The following GDAP1 variants were observed in gnomAD, a reference collection of about 807,000 sequenced individuals.
GDAP1 encodes the protein ganglioside induced differentiation associated protein 1, also known as ganglioside-induced differentiation-associated protein 1.
GDAP1 carries 34 observed loss-of-function variants against 40.1 expected under a neutral mutation model. That is an observed-to-expected ratio of 0.85 (90% CI 0.64 to 1.13). The LOEUF (loss-of-function observed/expected upper bound fraction) is 1.13. GDAP1 is among the 50% of genes most tolerant of loss of function. The probability of loss-of-function intolerance (pLI) is 0.00; values close to 1 mark genes in which losing one functional copy is unlikely to be tolerated. For synonymous variants in GDAP1, 170 were observed against 157.4 expected, an observed-to-expected ratio of 1.08 and a Z score of -0.60; for missense variants, 374 against 433.7, an observed-to-expected ratio of 0.86 and a Z score of 1.22.
chr8:74,391,196 C>G (rs937524988), intron 2 of GDAP1, among the ~76,000 whole-genome samples: 1 of 151,928 alleles, frequency 6.6e-6, no homozygotes, highest in Non-Finnish European at 1.5e-5. Flanking sequence ...ACGGTTCGGT[C>G]TCGCTGGCAT....
At chr8:74,398,805 A>C (rs1241902540) in intron 2 of GDAP1, among the ~76,000 whole-genome samples, 1 of 151,970 alleles carries the variant, frequency 6.6e-6, no homozygotes, top group African/African-American at 2.4e-5. Context: ...TATTGAGATA[A>C]TCATGTGGTT....
chr8:74,422,493 C>CTCCCTCCTTCCTTCCTTCCTTCCT (rs1805889681), intron 2 of GDAP1, among the ~76,000 whole-genome samples: 1 of 104,744 alleles, frequency 9.5e-6, no homozygotes, highest in African/African-American at 4.7e-5. Flanking sequence ...TCCCTCCTTT[C>CTCCCTCCTTCCTTCCTTCCTTCCT]TCCTTCCTTC....
intron 2 of GDAP1, among the ~76,000 whole-genome samples, chr8:74,381,358 C>T (rs1330861262): frequency 6.6e-6 from 1 of 151,958 alleles, no homozygotes; most frequent in African/African-American, 2.4e-5. Context: ...TATGGTACAA[C>T]CATAATGTTA....
At chr8:74,370,682 A>G (rs1438393099), downstream of GDAP1, among the ~76,000 whole-genome samples, 1 of 152,222 alleles carries the variant, frequency 6.6e-6, no homozygotes, top group Non-Finnish European at 1.5e-5. Flanking sequence ...ATTGAATGTA[A>G]AATGTTCCAA....
chr8:74,380,012 A>G (rs529656841), intron 2 of GDAP1, among the ~76,000 whole-genome samples: 3 of 152,324 alleles, frequency 2.0e-5, no homozygotes, highest in Admixed American at 1.3e-4. Flanking sequence ...AATATACTGC[A>G]CTTGGGATAC....
chr8:74,391,167 C>A (rs1810102482), intron 2 of GDAP1, among the ~76,000 whole-genome samples: 2 of 152,020 alleles, frequency 1.3e-5, no homozygotes, highest in Non-Finnish European at 2.9e-5. Flanking sequence ...TGACTTCAGC[C>A]CGCTTTACAG....
Position 74,365,682 on chromosome 8 carries a change from G to A in GDAP1, c.*1315G>A, listed in dbSNP as rs1809595612. 1 of 454,310 alleles carries A rather than the reference G, an allele frequency of 2.2e-6. No individual in the cohort carries two copies. The highest frequency in any genetic ancestry group is 2.4e-5 in the Admixed American group (1 of 42,546). 28.1% of individuals were successfully genotyped at this position (454,310 alleles called of 1,614,324 possible). ...AGGAAAGTCATACCTAGGAAACAAT[G>A]ACTTTTTGATGGCAAAATGATTTTT... On this transcript the variant is annotated 3_prime_UTR_variant, in exon 6 of 6. Transcript: ENST00000220822.
At position 74,365,409 on chromosome 8, in the gene GDAP1, G is replaced by C. The variant is rs1196856693; in HGVS notation, c.*1042G>C. 1 of 453,688 alleles carries C rather than the reference G, an allele frequency of 2.2e-6. No individual in the cohort carries two copies. Among genetic ancestry groups the C allele is most frequent in the Admixed American group, 2.4e-5 (1 of 42,544 alleles). 28.1% of individuals were successfully genotyped at this position (453,688 alleles called of 1,614,324 possible). A position where few individuals can be genotyped will look rare whatever the true frequency, so the allele number is the denominator to read the frequency against. ...TCACTGATGTATGTTTAAGGGATTTGGGGGGGATACCTCAGTTCATGTGGA... is the reference window on the plus strand; with the variant it reads ...TCACTGATGTATGTTTAAGGGATTTCGGGGGGATACCTCAGTTCATGTGGA... On this transcript the variant is annotated 3_prime_UTR_variant, in exon 6 of 6. Coordinates refer to ENST00000220822, the MANE Select transcript of GDAP1 (RefSeq NM_018972.4).
chr8:74,355,150 T>A (rs756876478), intron 2 of GDAP1, among the ~76,000 whole-genome samples: 7 of 152,164 alleles, frequency 4.6e-5, no homozygotes, highest in South Asian at 2.1e-4. Context: ...ATAGTGAATA[T>A]CTGTTGGATA....
chr8:74,480,287 G>A (rs896266722), intron 2 of GDAP1, among the ~76,000 whole-genome samples: 5 of 152,028 alleles, frequency 3.3e-5, no homozygotes, highest in Non-Finnish European at 7.4e-5. Context: ...GCGCCCGGCC[G>A]GCTCTGTATC....
rs1219262511 is a variant in GDAP1 at position 74,364,045 on chromosome 8, C to T, written c.755C>T (p.Ala252Val). ...TTCACCCTGGCAGACGTCTCACTCG[C>T]TGTCACATTGCATCGACTGAAGTTC... ...ESFTLADVSL[A>V]VTLHRLKFLG... Residue 252 changes from alanine (A) to valine (V), a missense_variant, in exon 6 of 6, where the codon GCT becomes GTT. Ala to Val is a moderately conservative substitution (Grantham distance 64, BLOSUM62 0). Coordinates refer to ENST00000220822, the MANE Select transcript of GDAP1 (RefSeq NM_018972.4). 6.2e-7 allele frequency: 1 copy of T among 1,613,786 alleles called. No individual in the cohort carries two copies. The highest frequency in any genetic ancestry group is 8.5e-7 in the Non-Finnish European group (1 of 1,179,664).
chr8:74,379,503 G>A (rs1244948377), intron 2 of GDAP1, among the ~76,000 whole-genome samples: 1 of 152,184 alleles, frequency 6.6e-6, no homozygotes, highest in Non-Finnish European at 1.5e-5. Context: ...ACCCCTACTT[G>A]TAGCTGCTGT....
chr8:74,450,825 A>ATT lies in GDAP1; in HGVS notation c.166-37846_166-37845dup, dbSNP rs59390981. 2.5e-4 allele frequency among the ~76,000 whole-genome samples: 19 copies of ATT among 76,028 alleles called. 5 individuals are homozygous for ATT. The highest frequency in any genetic ancestry group is 5.2e-4 in the African/African-American group (9 of 17,426). 49.9% of individuals were successfully genotyped at this position (76,028 alleles called of 152,430 possible). Reference sequence around the variant, plus strand: ...TTCCTATTGTTTATTTGAATAATGTATTTTTTTTCCTTTTTATGTTCTCTT... The same window carrying ATT: ...TTCCTATTGTTTATTTGAATAATGTATTTTTTTTTTCCTTTTTATGTTCTCTT... On this transcript the variant is annotated intron_variant, in intron 2 of 2. Coordinates refer to the GDAP1 transcript ENST00000523640.
intron 2 of GDAP1, among the ~76,000 whole-genome samples, chr8:74,398,348 T>A (rs199521325): frequency 1.3e-5 from 2 of 152,182 alleles, no homozygotes; most frequent in South Asian, 4.2e-4. Flanking sequence ...TTATTTTGAG[T>A]CTATGTGTGT....
At chr8:74,396,861 A>T (rs4738456) in intron 2 of GDAP1, among the ~76,000 whole-genome samples, 1 of 152,206 alleles carries the variant, frequency 6.6e-6, no homozygotes, top group Non-Finnish European at 1.5e-5. Flanking sequence ...AGTCCTTTGC[A>T]TATATACCCA....
Position 74,364,373 on chromosome 8 carries a change from T to C in GDAP1, c.*6T>C, listed in dbSNP as rs2131522635. ...CCAGACCAAATTATTTCTAGGTTTG[T>C]TGGGATCTTGTCGTGGCAGCTCATC... On this transcript the variant is annotated 3_prime_UTR_variant, in exon 6 of 6. Transcript: ENST00000220822. 1.2e-6 allele frequency: 2 copies of C among 1,611,950 alleles called. No homozygotes were observed. Among genetic ancestry groups the C allele is most frequent in the Non-Finnish European group, 1.7e-6 (2 of 1,179,866 alleles).
chr8:74,352,004 G>A (rs988388837), intron 2 of GDAP1, among the ~76,000 whole-genome samples: 1 of 152,186 alleles, frequency 6.6e-6, no homozygotes, highest in Non-Finnish European at 1.5e-5. Context: ...TTTATTAACA[G>A]CTTGTTATGT....
At chr8:74,484,767 A>G (rs1806754562) in intron 2 of GDAP1, among the ~76,000 whole-genome samples, 1 of 152,022 alleles carries the variant, frequency 6.6e-6, no homozygotes, top group Non-Finnish European at 1.5e-5. Context: ...TGTGAGGCAA[A>G]TCTTATTTTT....
At chr8:74,469,423 CTT>C (rs1246730536) in intron 2 of GDAP1, among the ~76,000 whole-genome samples, 3 of 152,028 alleles carry the variant, frequency 2.0e-5, no homozygotes, top group Non-Finnish European at 2.9e-5. Context: ...AATCCCAGCA[CTT>C]TGGGAGGCCG....
Sources: gnomAD v4.1 joint callset for allele counts (sites outside exome capture counted in the v4.1 genomes callset) on GRCh38, gnomAD v4.1.1 for gene constraint, MANE v1.5 for transcripts, NCBI Gene and HGNC (gene_info 2026-07-23, HGNC 2026-07-21) for gene names.